Variants in TAX1BP1 observed in about 807,000 individuals in gnomAD.
TAX1BP1 encodes the protein tax1-binding protein 1.
In TAX1BP1, 62 loss-of-function variants were observed where a neutral mutation model predicts 97.7. That is an observed-to-expected ratio of 0.63 (90% CI 0.52 to 0.78). TAX1BP1 has a LOEUF of 0.78. Among genes scored for constraint, TAX1BP1 ranks in the 30% least tolerant of loss-of-function variants. The pLI is 0.00. For synonymous variants in TAX1BP1, 340 were observed against 304.2 expected (o/e 1.12, Z -1.23); for missense variants, 867 against 916.1 (o/e 0.95, Z 0.69).
At chr7:27,781,230 T>A (rs1345711043) in intron 5 of TAX1BP1, among the ~76,000 whole-genome samples, 1 of 152,226 alleles carries the variant, frequency 6.6e-6, no homozygotes, top group African/African-American at 2.4e-5. Context: ...GAATTGAAGG[T>A]AGCCCTCACA....
intron 5 of TAX1BP1, among the ~76,000 whole-genome samples, chr7:27,776,007 T>G (rs1562714029): frequency 1.3e-5 from 2 of 151,960 alleles, no homozygotes; most frequent in South Asian, 2.1e-4. Flanking sequence ...CTGTCTGTCT[T>G]TCTCTCTCTC....
At position 27,764,765 on chromosome 7, in the gene TAX1BP1, TAGAA is replaced by T. The variant is rs573224899; in HGVS notation, c.266-1064_266-1061del. 7.2e-5 allele frequency among the ~76,000 whole-genome samples: 11 copies of T among 152,114 alleles called. No homozygotes were observed. In the South Asian group the frequency reaches 2.3e-3, roughly 32 times the overall value. On this transcript the variant is annotated intron_variant, in intron 3 of 16. Coordinates refer to ENST00000396319, the MANE Select transcript of TAX1BP1 (RefSeq NM_006024.7). ...TATATTTATTAGTTGATCATTACGT[TAGAA>T]AGAATTTTCTTCTTCTCCATGGAAT...
intron 1 of TAX1BP1, among the ~76,000 whole-genome samples, chr7:27,742,742 A>G (rs1787670605): frequency 6.6e-6 from 1 of 152,160 alleles, no homozygotes; most frequent in African/African-American, 2.4e-5. Context: ...CTGGGATTAC[A>G]GGTGTGAGCC....
In TAX1BP1 at chr7:27,792,138, C is replaced by A. The variant is rs1310966344; in HGVS notation, c.1171C>A (p.Leu391Met). The change falls in exon 9 of 17, where the codon CTG (leucine) becomes ATG (methionine). Residue 391 changes from leucine to methionine, a missense_variant. By Grantham distance (15) the Leu-to-Met change is conservative. Around this residue, in one of 3 missense-constraint regions of TAX1BP1, gnomAD observed 822 missense variants for 851.4 expected, o/e 0.97. Transcript: ENST00000396319. Reference protein sequence around the residue: ...VNVRDRTMADLHTARLENEKV... With the variant: ...VNVRDRTMADMHTARLENEKV... Reference sequence around the variant, plus strand: ...CGTACGAGACAGAACGATGGCAGACCTGCATACTGCACGCTTGGAAAACGA... The same window carrying A: ...CGTACGAGACAGAACGATGGCAGACATGCATACTGCACGCTTGGAAAACGA... 2 of 1,614,018 alleles carry A rather than the reference C, an allele frequency of 1.2e-6. No homozygotes were observed. Among genetic ancestry groups the A allele is most frequent in the Non-Finnish European group, 1.7e-6 (2 of 1,180,028 alleles).
At position 27,797,371 on chromosome 7, in the gene TAX1BP1, G is replaced by C. The variant is rs1249707704; in HGVS notation, c.1638+1152G>C. 5.9e-5 allele frequency among the ~76,000 whole-genome samples: 9 copies of C among 152,044 alleles called. No homozygotes were observed. In the East Asian group the frequency reaches 1.5e-3, roughly 26 times the overall value. On this transcript the variant is annotated intron_variant, in intron 12 of 16. Transcript: ENST00000396319. Reference sequence around the variant, plus strand: ...CTTCTTGGTGTAGTATTCAGTACTGGAATATTTAAAGGAAAAGGGAAAATG... The same window carrying C: ...CTTCTTGGTGTAGTATTCAGTACTGCAATATTTAAAGGAAAAGGGAAAATG...
rs745989528 is a variant in TAX1BP1 at position 27,794,324 on chromosome 7, CTAA to C, written c.1423_1425del (p.Asn475del). On this transcript the variant is annotated inframe_deletion and splice_region_variant, in exon 11 of 17. Coordinates refer to ENST00000396319, the MANE Select transcript of TAX1BP1 (RefSeq NM_006024.7). Reference sequence around the variant, plus strand: ...ACAACTTATTAACATTTTGAATAGGCTAATAATAATAATGTCTTCACAAAGAAA... The same window carrying C: ...ACAACTTATTAACATTTTGAATAGGCTAATAATAATGTCTTCACAAAGAAA... 11 of 1,606,916 alleles carry C rather than the reference CTAA, an allele frequency of 6.8e-6. No individual in the cohort carries two copies. Among genetic ancestry groups the C allele is most frequent in the African/African-American group, 2.7e-5 (2 of 74,644 alleles).
intron 2 of TAX1BP1, among the ~76,000 whole-genome samples, chr7:27,750,333 C>A (rs1787975153): frequency 6.6e-6 from 1 of 152,100 alleles, no homozygotes; most frequent in African/African-American, 2.4e-5. Flanking sequence ...AAAGGAAATG[C>A]TTATTGGAAC....
chr7:27,791,986 T>C lies in TAX1BP1; in HGVS notation c.1039-20T>C. 1 of 1,609,234 alleles carries C rather than the reference T, an allele frequency of 6.2e-7. No homozygotes were observed. Among genetic ancestry groups the C allele is most frequent in the Non-Finnish European group, 8.5e-7 (1 of 1,176,410 alleles). ...TACTTGAGTGGTTGAATTACAAATATATTTATCTGCTTTCTTCAGGAAGAT... is the reference window on the plus strand; with the variant it reads ...TACTTGAGTGGTTGAATTACAAATACATTTATCTGCTTTCTTCAGGAAGAT... On this transcript the variant is annotated intron_variant, in intron 8 of 16. Coordinates refer to ENST00000396319, the MANE Select transcript of TAX1BP1 (RefSeq NM_006024.7).
chr7:27,784,015 G>A (rs73073391), intron 5 of TAX1BP1, among the ~76,000 whole-genome samples: 19,840 of 152,142 alleles, frequency 0.13, 1,552 homozygotes, highest in African/African-American at 0.21. Flanking sequence ...TCAATAGGGT[G>A]TATCTGACTT....
chr7:27,777,145 C>T (rs770757054), intron 5 of TAX1BP1, among the ~76,000 whole-genome samples: 2 of 152,062 alleles, frequency 1.3e-5, no homozygotes, highest in African/African-American at 2.4e-5. Context: ...ATTGGCTTTT[C>T]TACTCATTAT....
rs1365156561 is a variant in TAX1BP1, at chr7:27,784,155, T to C, written c.613-1008T>C. 2.6e-5 allele frequency among the ~76,000 whole-genome samples: 4 copies of C among 152,310 alleles called. No homozygotes were observed. The East Asian group carries it at 7.7e-4, about 29-fold the overall frequency. On this transcript the variant is annotated intron_variant, in intron 5 of 16. Coordinates refer to ENST00000396319, the MANE Select transcript of TAX1BP1 (RefSeq NM_006024.7). The stretch of plus-strand genomic sequence containing the variant: ...ATAAATACTATATAATCTTTCATAC[T>C]TTTAACTTGGCAGAACGGTGATTTT...
At chr7:27,803,757 G>T (rs922773305) in intron 13 of TAX1BP1, among the ~76,000 whole-genome samples, 3 of 152,300 alleles carry the variant, frequency 2.0e-5, no homozygotes, top group South Asian at 2.1e-4. Flanking sequence ...TGATCCTTGG[G>T]TACATGTCTT....
At chr7:27,808,675 A>T (rs1790435752) in intron 13 of TAX1BP1, among the ~76,000 whole-genome samples, 1 of 152,176 alleles carries the variant, frequency 6.6e-6, no homozygotes, top group African/African-American at 2.4e-5. Flanking sequence ...GGTCACTGTG[A>T]GCCATTTTGG....
At chr7:27,809,228 A>G (rs1790458933) in intron 13 of TAX1BP1, among the ~76,000 whole-genome samples, 1 of 152,252 alleles carries the variant, frequency 6.6e-6, no homozygotes, top group Admixed American at 6.5e-5. Flanking sequence ...AGCATGTCTG[A>G]TAATGACCAT....
Position 27,794,416 on chromosome 7 carries a change from A to C in TAX1BP1, c.1504A>C (p.Thr502Pro). 6.2e-7 allele frequency: 1 copy of C among 1,611,548 alleles called. No homozygotes were observed. The highest frequency in any genetic ancestry group is 8.5e-7 in the Non-Finnish European group (1 of 1,178,802). Residue 502 changes from threonine to proline, a missense_variant, in exon 11 of 17, where the codon ACT becomes CCT. Coordinates refer to ENST00000396319, the MANE Select transcript of TAX1BP1 (RefSeq NM_006024.7). ...CACAGACCCAGCCACTTCTGCCTCT[A>C]CTGTAGATGTAAAGCCATCACCTTC... is the stretch of plus-strand genomic sequence containing the variant. ...VNTDPATSAS[T>P]VDVKPSPSAA...
intron 14 of TAX1BP1, 97 bp downstream of exon 14, chr7:27,816,617 C>G (rs1790778706): frequency 5.5e-6 from 6 of 1,085,748 alleles, no homozygotes; most frequent in Non-Finnish European, 7.8e-6. Flanking sequence ...ATAATCAACC[C>G]TAATACAAAC....
At chr7:27,767,713 G>A (rs1243040833) in intron 4 of TAX1BP1, among the ~76,000 whole-genome samples, 1 of 151,986 alleles carries the variant, frequency 6.6e-6, no homozygotes, top group Non-Finnish European at 1.5e-5. Flanking sequence ...GAAAAGTGAT[G>A]GGCATTTTGG....
At chr7:27,757,708 CTG>C (rs1237685342) in intron 2 of TAX1BP1, among the ~76,000 whole-genome samples, 1 of 152,046 alleles carries the variant, frequency 6.6e-6, no homozygotes, top group Non-Finnish European at 1.5e-5. Context: ...TAAAAACTCA[CTG>C]TGTTTAGTGA....
chr7:27,819,538 G>A (rs1165806407), intron 15 of TAX1BP1, among the ~76,000 whole-genome samples: 1 of 152,196 alleles, frequency 6.6e-6, no homozygotes, highest in African/African-American at 2.4e-5. Context: ...AGTTGAATCT[G>A]TGAGCGATCT....
Sources: gnomAD v4.1 joint callset for allele counts (sites outside exome capture counted in the v4.1 genomes callset) on GRCh38, gnomAD v4.1.1 for gene constraint, gnomAD v4.1.1 regional missense constraint, MANE v1.5 for transcripts, NCBI Gene and HGNC (gene_info 2026-07-23, HGNC 2026-07-21) for gene names.